Variants in PLD5 observed in about 807,000 individuals in gnomAD.
PLD5 encodes the protein phospholipase D family member 5.
PLD5 carries 36 observed loss-of-function variants against 61.1 expected under a neutral mutation model. That is an observed-to-expected ratio of 0.59 (90% confidence interval 0.45 to 0.78). The LOEUF (loss-of-function observed/expected upper bound fraction) is 0.78, where lower values mean the gene tolerates loss of function less well. Ranked by LOEUF, PLD5 falls within the 30% of genes least tolerant of loss-of-function variation. PLD5 has a pLI of 0.00. For synonymous variants in PLD5, 243 were observed against 242.8 expected, an observed-to-expected ratio of 1.00 and a Z score of -0.01; for missense variants, 515 against 644.4, an observed-to-expected ratio of 0.80 and a Z score of 2.17.
chr1:242,386,391 ATCAGTAACAGTGG>A (rs1558517184), intron 1 of PLD5, among the ~76,000 whole-genome samples: 1 of 152,200 alleles, frequency 6.6e-6, no homozygotes, highest in Non-Finnish European at 1.5e-5. Flanking sequence ...CCGTGTGAGC[ATCAGTAACAGTGG>A]GACAACCTGA....
rs374408503 is a variant in PLD5, at chr1:242,443,623, T to C, written c.189+80465A>G. Among the ~76,000 whole-genome samples, 7 of 152,292 alleles carry C rather than the reference T, an allele frequency of 4.6e-5. 1 individual carries two copies. Among genetic ancestry groups the C allele is most frequent in the African/African-American group, 1.7e-4 (7 of 41,566 alleles). On this transcript the variant is annotated intron_variant, in intron 1 of 9. Coordinates refer to ENST00000536534, the MANE Select transcript of PLD5 (RefSeq NM_001372062.1). ...AATGAATGAGGAGTGTTGAAACAAG[T>C]AAATGGAAAGGAAGGAAGAGTGAAC...
At chr1:242,155,678 C>T (rs2148828219) in intron 5 of PLD5, among the ~76,000 whole-genome samples, 1 of 152,266 alleles carries the variant, frequency 6.6e-6, no homozygotes, top group Non-Finnish European at 1.5e-5. Flanking sequence ...GTTTCTTAAT[C>T]CTGAGTCCTA....
chr1:242,232,507 G>T (rs542004786), intron 4 of PLD5, among the ~76,000 whole-genome samples: 11 of 151,970 alleles, frequency 7.2e-5, no homozygotes, highest in Non-Finnish European at 1.2e-4. Flanking sequence ...CATAAAATAT[G>T]TGCTGCATTT....
chr1:242,386,982 C>A (rs981336759), intron 1 of PLD5, among the ~76,000 whole-genome samples: 3 of 152,136 alleles, frequency 2.0e-5, no homozygotes, highest in Non-Finnish European at 4.4e-5. Flanking sequence ...TCTGAAAATT[C>A]ATGATCAAAG....
chr1:242,257,103 A>G (rs974823670), intron 4 of PLD5, among the ~76,000 whole-genome samples: 9 of 150,080 alleles, frequency 6.0e-5, no homozygotes, highest in African/African-American at 2.2e-4. Context: ...ATATCTTTCT[A>G]TCTGTCATCT....
chr1:242,267,565 C>T (rs2149106791), intron 3 of PLD5, among the ~76,000 whole-genome samples: 1 of 152,236 alleles, frequency 6.6e-6, no homozygotes, highest in African/African-American at 2.4e-5. Context: ...ATGTTGAGTG[C>T]ATCAGACAGT....
intron 3 of PLD5, among the ~76,000 whole-genome samples, chr1:242,276,791 T>C (rs2149121255): frequency 6.6e-6 from 1 of 152,110 alleles, no homozygotes; most frequent in African/African-American, 2.4e-5. Flanking sequence ...GTATCTGGCG[T>C]GGAGGCATGC....
chr1:242,491,067 C>G (rs1668134007), intron 1 of PLD5, among the ~76,000 whole-genome samples: 1 of 152,288 alleles, frequency 6.6e-6, no homozygotes, highest in South Asian at 2.1e-4. Context: ...ATTCTTCAGG[C>G]TCAACTGATC....
intron 3 of PLD5, among the ~76,000 whole-genome samples, chr1:242,287,221 A>G (rs990195596): frequency 6.6e-6 from 1 of 152,178 alleles, no homozygotes; most frequent in Admixed American, 6.5e-5. Flanking sequence ...TATGTGAGGA[A>G]AGCCATCCAG....
rs867512362 is a variant in PLD5 at position 242,394,183 on chromosome 1, A to T, written c.190-45941T>A. 1.2e-3 allele frequency among the ~76,000 whole-genome samples: 62 copies of T among 51,604 alleles called. 1 individual carries two copies. Among genetic ancestry groups the T allele is most frequent in the Admixed American group, 2.8e-3 (11 of 3,902 alleles). The allele number at this position is 51,604 out of a possible 152,430, so 33.9% of individuals were successfully genotyped here. A position where few individuals can be genotyped will look rare whatever the true frequency, so the allele number is the denominator to read the frequency against. ...ATGAGTATATATATGTGTATATATG[A>T]GTATATATGAGTATATATATGTGTA... is the stretch of plus-strand genomic sequence containing the variant. On this transcript the variant is annotated intron_variant, in intron 1 of 9. Coordinates refer to ENST00000536534, the MANE Select transcript of PLD5 (RefSeq NM_001372062.1).
intron 4 of PLD5, among the ~76,000 whole-genome samples, chr1:242,223,787 A>C (rs1054006780): frequency 3.9e-5 from 6 of 152,120 alleles, no homozygotes; most frequent in African/African-American, 1.4e-4. Context: ...CTAAATATTG[A>C]TGCTCCATCT....
intron 1 of PLD5, among the ~76,000 whole-genome samples, chr1:242,515,380 T>A (rs1020416591): frequency 5.3e-5 from 8 of 152,116 alleles, no homozygotes; most frequent in Admixed American, 2.0e-4. Context: ...ACTCAGCTAA[T>A]TTTTTTGTAT....
chr1:242,207,950 T>TTTTATATATATTTATA (rs1558344775), intron 5 of PLD5, among the ~76,000 whole-genome samples: 3 of 10,104 alleles, frequency 3.0e-4, no homozygotes, highest in African/African-American at 7.3e-4. Context: ...TTATATATAT[T>TTTTATATATATTTATA]TATTTATATA....
chr1:242,306,840 AAAACCCATAT>A (rs1178808098), intron 2 of PLD5, among the ~76,000 whole-genome samples: 2 of 152,158 alleles, frequency 1.3e-5, no homozygotes, highest in Admixed American at 1.3e-4. Context: ...CTAAAAACAG[AAAACCCATAT>A]AAAGCTAAAC....
At chr1:242,348,318 T>C (rs1447427171) in intron 1 of PLD5, 76 bp from the exon 2 acceptor site, 1 of 1,465,922 alleles carries the variant, frequency 6.8e-7, no homozygotes. Context: ...TGACAACTTC[T>C]CAACATTCCA....
intron 2 of PLD5, among the ~76,000 whole-genome samples, chr1:242,331,925 T>G (rs559929631): frequency 6.6e-6 from 1 of 152,146 alleles, no homozygotes; most frequent in African/African-American, 2.4e-5. Context: ...CTGGGATACA[T>G]GTGCAGAACG....
chr1:242,314,527 T>C (rs1465413243), intron 2 of PLD5, among the ~76,000 whole-genome samples: 1 of 152,332 alleles, frequency 6.6e-6, no homozygotes, highest in African/African-American at 2.4e-5. Flanking sequence ...AAACTCCTTC[T>C]CTCCGAACTA....
intron 2 of PLD5, among the ~76,000 whole-genome samples, chr1:242,312,476 G>A (rs1257660800): frequency 6.6e-6 from 1 of 151,944 alleles, no homozygotes; most frequent in Non-Finnish European, 1.5e-5. Flanking sequence ...TCTCGCCTTT[G>A]CTTCTTCTTG....
At position 242,478,442 on chromosome 1, in the gene PLD5, C is replaced by T. The variant is rs188808878; in HGVS notation, c.189+45646G>A. On this transcript the variant is annotated intron_variant, in intron 1 of 9. Coordinates refer to ENST00000536534, the MANE Select transcript of PLD5 (RefSeq NM_001372062.1). ...GAATAGGAGAGAGGTGACTGAGACC[C>T]TGGTCCTGTCACTGCGAGGGACTAG... 1.3e-3 allele frequency among the ~76,000 whole-genome samples: 204 copies of T among 152,274 alleles called. 1 individual carries two copies. Among genetic ancestry groups the T allele is most frequent in the Admixed American group, 2.3e-3 (35 of 15,300 alleles).
Sources: gnomAD v4.1 joint callset for allele counts (sites outside exome capture counted in the v4.1 genomes callset) on GRCh38, gnomAD v4.1.1 for gene constraint, MANE v1.5 for transcripts, NCBI Gene and HGNC (gene_info 2026-07-23, HGNC 2026-07-21) for gene names.